Variants in FREM3 observed in about 807,000 individuals in gnomAD.
FREM3 encodes FRAS1 related extracellular matrix 3, also known as FRAS1-related extracellular matrix protein 3.
Under a neutral mutation model 129.1 loss-of-function variants are expected in FREM3, and 105 were observed. That is an observed-to-expected ratio of 0.81 (90% confidence interval 0.69 to 0.96). The LOEUF (loss-of-function observed/expected upper bound fraction) is 0.96, where lower values mean the gene tolerates loss of function less well. FREM3 is among the 40% of genes least tolerant of loss of function. The pLI is 0.00. For missense variants in FREM3, 2,593 were observed against 2,666.3 expected (o/e 0.97, Z 0.61); for synonymous variants, 1,014 against 1,044.9 (o/e 0.97, Z 0.57).
At chr4:143,589,674 T>C (rs1354395594) in intron 6 of FREM3, among the ~76,000 whole-genome samples, 1 of 152,242 alleles carries the variant, frequency 6.6e-6, no homozygotes, top group African/African-American at 2.4e-5. Context: ...TCAGGTAGCG[T>C]GATGCCTGCA....
intron 2 of FREM3, among the ~76,000 whole-genome samples, chr4:143,676,253 AC>A (rs530112740): frequency 0.017 from 2,585 of 152,278 alleles, 35 homozygotes; most frequent in Non-Finnish European, 0.025. Context: ...AAATCAATAA[AC>A]TTGATCCAGC....
chr4:143,688,277 T>C (rs1156423637), intron 2 of FREM3, among the ~76,000 whole-genome samples: 1 of 151,450 alleles, frequency 6.6e-6, no homozygotes, highest in Non-Finnish European at 1.5e-5. Context: ...CTGCAAAAAA[T>C]AAATAAATAA....
intron 2 of FREM3, among the ~76,000 whole-genome samples, chr4:143,662,733 T>A (rs1381140268): frequency 6.6e-6 from 1 of 152,022 alleles, no homozygotes; most frequent in Non-Finnish European, 1.5e-5. Flanking sequence ...TCTTTATAGG[T>A]CACTCAGGAC....
intron 1 of FREM3, among the ~76,000 whole-genome samples, chr4:143,694,155 G>T (rs1339725770): frequency 6.6e-6 from 1 of 152,112 alleles, no homozygotes; most frequent in Non-Finnish European, 1.5e-5. Flanking sequence ...TAAAATAAAA[G>T]TTAAGAAACC....
intron 2 of FREM3, among the ~76,000 whole-genome samples, chr4:143,691,743 A>C (rs888617935): frequency 6.6e-6 from 1 of 152,256 alleles, no homozygotes; most frequent in Admixed American, 6.5e-5. Flanking sequence ...TGGTAGCTAC[A>C]TAATATTCAC....
Position 143,698,628 on chromosome 4 carries a change from G to A in FREM3, c.2048C>T (p.Pro683Leu). 2.0e-6 allele frequency: 3 copies of A among 1,537,788 alleles called. No individual in the cohort carries two copies. The highest frequency in any genetic ancestry group is 3.3e-4 in the Middle Eastern group (2 of 5,994). ...GAAAATGTGCTGTTTGGAGAGATTG[G>A]GTGGGTCATGGTCATCCTGCACATG... ...AFHVQDDHDP[P>L]NLSKQHIFTI... is the part of the protein sequence containing the mutation. The change falls in exon 1 of 8, where the codon CCC becomes CTC. Residue 683 changes from proline to leucine, a missense_variant. Pro to Leu is a moderately conservative substitution (Grantham distance 98). Coordinates refer to ENST00000329798, the MANE Select transcript of FREM3 (RefSeq NM_001168235.2).
rs1560876040 is a variant in FREM3 at position 143,695,669 on chromosome 4, T to C, written c.5007A>G (p.Pro1669=). 6.5e-7 allele frequency: 1 copy of C among 1,537,260 alleles called. No individual in the cohort carries two copies. Among genetic ancestry groups the C allele is most frequent in the South Asian group, 1.2e-5 (1 of 84,060 alleles). The change falls in exon 1 of 8, where the codon CCA becomes CCG. Residue 1669 remains proline (P), a synonymous_variant. Transcript: ENST00000329798. The part of the protein sequence containing the change: ...LPQITTNRGA[P]ALKRLHTGHM... ...GTCCAGTGTGAAGGCGCTTCAAGGC[T>C]GGGGCACCCCTGTTGGTAGTAATCT...
rs1265428301 is a variant in FREM3, at chr4:143,698,270, A to G, written c.2406T>C (p.Phe802=). The G allele has an allele frequency of 6.5e-7, 1 of 1,537,610 alleles. No individual in the cohort carries two copies. ...KLGIAPRVVQ[F]TYQVEDAAGN... ...CTGCAGCATCTTCCACCTGGTAAGT[A>G]AACTGCACAACCCGTGGTGCAATAC... Residue 802 remains phenylalanine (F), a synonymous_variant, in exon 1 of 8, where the codon TTT becomes TTC. Transcript: ENST00000329798.
chr4:143,646,805 G>A (rs577747555), intron 2 of FREM3, among the ~76,000 whole-genome samples: 32 of 152,302 alleles, frequency 2.1e-4, no homozygotes, highest in Admixed American at 3.9e-4. Flanking sequence ...CTTCTATAAA[G>A]ATACCCAAAA....
intron 2 of FREM3, among the ~76,000 whole-genome samples, chr4:143,651,818 A>G (rs1739516287): frequency 6.6e-6 from 1 of 152,242 alleles, no homozygotes; most frequent in Non-Finnish European, 1.5e-5. Context: ...GAGAGAAGGA[A>G]GTAAAGATGA....
rs201317400 is a variant in FREM3, at chr4:143,659,394, C to T, written c.5276-31634G>A. Among the ~76,000 whole-genome samples, 72 of 152,256 alleles carry T rather than the reference C, an allele frequency of 4.7e-4. No individual in the cohort carries two copies. The East Asian group carries it at 0.013, about 28-fold the overall frequency. ...TACTGAGAATGATGATTTCCAATTT[C>T]ATCCATGTCACTACAAAGGACATTT... On this transcript the variant is annotated intron_variant, in intron 2 of 7. Transcript: ENST00000329798.
Position 143,693,044 on chromosome 4 carries a change from AT to A in FREM3, c.5275+68del, listed in dbSNP as rs575432008. 8.1e-5 allele frequency: 62 copies of A among 766,016 alleles called. No homozygotes were observed. The Middle Eastern group carries it at 1.3e-3, about 17-fold the overall frequency. 47.5% of individuals were successfully genotyped at this position (766,016 alleles called of 1,614,324 possible). On this transcript the variant is annotated intron_variant, in intron 2 of 7. Coordinates refer to ENST00000329798, the MANE Select transcript of FREM3 (RefSeq NM_001168235.2). The stretch of plus-strand genomic sequence containing the variant: ...CCTATACTTGCCCAGAAATGATTTA[AT>A]TTTTTTTCCAATTTTATGTTGATTT...
At chr4:143,610,229 A>C (rs1237551133) in intron 6 of FREM3, among the ~76,000 whole-genome samples, 1 of 152,198 alleles carries the variant, frequency 6.6e-6, no homozygotes, top group East Asian at 1.9e-4. Flanking sequence ...TCTGGTCCAC[A>C]GGGTGAAATA....
chr4:143,616,398 C>T (rs1738845560), intron 5 of FREM3, among the ~76,000 whole-genome samples: 1 of 152,142 alleles, frequency 6.6e-6, no homozygotes, highest in South Asian at 2.1e-4. Context: ...CCTATGAACA[C>T]ATCTACAACT....
chr4:143,635,615 C>G (rs1437737836), intron 2 of FREM3, among the ~76,000 whole-genome samples: 2 of 152,162 alleles, frequency 1.3e-5, no homozygotes, highest in Non-Finnish European at 2.9e-5. Context: ...TGATTAAGAA[C>G]TACTGGTGTA....
In FREM3 at chr4:143,585,932, C is replaced by T; in HGVS notation, c.6090G>A (p.Glu2030=). ...CAGTGCCTCTTCTCCAAACACAAAC[C>T]TCCACGTAGCGAGCACTTTCATTGA... ...YHVNESARYV[E]VCVWRRGTDL... The change falls in exon 7 of 8, where the codon GAG becomes GAA. Residue 2030 remains glutamate (E), a synonymous_variant. Coordinates refer to ENST00000329798, the MANE Select transcript of FREM3 (RefSeq NM_001168235.2). This position sits in a 1 kb window ranked among gnomAD's most constrained non-coding sequence, Gnocchi z 4.2. 2 of 1,537,558 alleles carry T rather than the reference C, an allele frequency of 1.3e-6. No homozygotes were observed. Among genetic ancestry groups the T allele is most frequent in the Non-Finnish European group, 8.7e-7 (1 of 1,146,976 alleles).
At chr4:143,592,612 A>G (rs1273999263) in intron 6 of FREM3, among the ~76,000 whole-genome samples, 3 of 152,148 alleles carry the variant, frequency 2.0e-5, no homozygotes, top group Non-Finnish European at 2.9e-5. Flanking sequence ...AGAGATCAGC[A>G]GTTAGTCTGA....
intron 2 of FREM3, among the ~76,000 whole-genome samples, chr4:143,688,371 T>C (rs1028871783): frequency 1.4e-4 from 21 of 152,094 alleles, no homozygotes; most frequent in Non-Finnish European, 1.6e-4. Flanking sequence ...AAAGAAATCA[T>C]AGACAACACA....
At chr4:143,660,601 T>C (rs1365324444) in intron 2 of FREM3, among the ~76,000 whole-genome samples, 5 of 152,186 alleles carry the variant, frequency 3.3e-5, no homozygotes, top group Non-Finnish European at 5.9e-5. Flanking sequence ...TTTAAAGTAG[T>C]TTTTTCCAAT....
Sources: allele counts gnomAD v4.1 joint callset (sites outside exome capture counted in the v4.1 genomes callset), GRCh38; gene constraint gnomAD v4.1.1; non-coding constraint Gnocchi (gnomAD v3.1); transcripts MANE v1.5; gene names NCBI Gene and HGNC (gene_info 2026-07-23, HGNC 2026-07-21).